The following CCDC85C variants were observed in gnomAD, a reference collection of about 807,000 sequenced individuals.
CCDC85C encodes the protein coiled-coil domain-containing protein 85C.
Under a neutral mutation model 38.3 loss-of-function variants are expected in CCDC85C, and 18 were observed. The observed-to-expected ratio is 0.47, with a 90% CI of 0.33 to 0.70. The LOEUF is 0.70. Among genes scored for constraint, CCDC85C ranks in the 30% least tolerant of loss-of-function variants. The pLI, the probability that CCDC85C is intolerant of heterozygous loss-of-function variation, is 0.03. For missense variants in CCDC85C, 566 were observed against 621.2 expected, an observed-to-expected ratio of 0.91 and a Z score of 0.94; for synonymous variants, 264 against 293.8, an observed-to-expected ratio of 0.90 and a Z score of 1.04.
At position 99,503,660 on chromosome 14, in the gene CCDC85C, G is replaced by C. The variant is rs143225415; in HGVS notation, c.*11586C>G. The C allele has an allele frequency of 7.4e-5, 115 of 1,551,866 alleles. 1 individual carries two copies. The East Asian group carries it at 2.5e-3, about 33-fold the overall frequency. On this transcript the variant is annotated 3_prime_UTR_variant, in exon 6 of 6. Transcript: ENST00000380243. ...AAAGCAGCAGGTAATTTCCTGTTCT[G>C]ATGTTTTTTTAGTTTTATGTGTTTA...
intron 1 of CCDC85C, among the ~76,000 whole-genome samples, chr14:99,546,545 CTG>C (rs1566768920): frequency 6.6e-6 from 1 of 152,108 alleles, no homozygotes. Context: ...CACATCTGGA[CTG>C]TGTTTCACTG....
At chr14:99,574,583 G>T (rs1353168465) in intron 1 of CCDC85C, among the ~76,000 whole-genome samples, 1 of 152,202 alleles carries the variant, frequency 6.6e-6, no homozygotes, top group African/African-American at 2.4e-5. Flanking sequence ...TGTGAGGAGG[G>T]GAGGCAGGGT....
Position 99,514,984 on chromosome 14 carries a change from A to C in CCDC85C, c.*262T>G. 8.1e-6 allele frequency: 3 copies of C among 371,484 alleles called. No homozygotes were observed. The highest frequency in any genetic ancestry group is 1.5e-5 in the Non-Finnish European group (3 of 198,732). 23.0% of individuals were successfully genotyped at this position (371,484 alleles called of 1,614,324 possible). Reference sequence around the variant, plus strand: ...ATGGAGCCCAGGGCCCAGAGGGGGAATGAGGCGTCCGGGCCGCTCTGCTGC... The same window carrying C: ...ATGGAGCCCAGGGCCCAGAGGGGGACTGAGGCGTCCGGGCCGCTCTGCTGC... On this transcript the variant is annotated 3_prime_UTR_variant, in exon 6 of 6. Coordinates refer to ENST00000380243, the MANE Select transcript of CCDC85C (RefSeq NM_001144995.2).
intron 1 of CCDC85C, among the ~76,000 whole-genome samples, chr14:99,594,120 T>G (rs1388964132): frequency 6.6e-6 from 1 of 152,126 alleles, no homozygotes; most frequent in Non-Finnish European, 1.5e-5. Flanking sequence ...AACCACTATC[T>G]GGCACCTGGT....
In CCDC85C at chr14:99,510,030, T is replaced by A. The variant is rs1370960499; in HGVS notation, c.*5216A>T. 2 of 907,968 alleles carry A rather than the reference T, an allele frequency of 2.2e-6. No homozygotes were observed. Among genetic ancestry groups the A allele is most frequent in the Non-Finnish European group, 3.3e-6 (2 of 613,752 alleles). 56.2% of individuals were successfully genotyped at this position (907,968 alleles called of 1,614,324 possible). ...GGACATGGGGCATGGGCCCATGCGTTGGGCCACAGAGGAGGCGGGCAGCTG... is the reference window on the plus strand; with the variant it reads ...GGACATGGGGCATGGGCCCATGCGTAGGGCCACAGAGGAGGCGGGCAGCTG... On this transcript the variant is annotated 3_prime_UTR_variant, in exon 6 of 6. Transcript: ENST00000380243.
chr14:99,549,422 G>A (rs1897864352), intron 1 of CCDC85C, among the ~76,000 whole-genome samples: 1 of 152,214 alleles, frequency 6.6e-6, no homozygotes, highest in African/African-American at 2.4e-5. Context: ...CCAGGGAGAT[G>A]AGGGGTTCAC....
chr14:99,583,885 G>T (rs889433333), intron 1 of CCDC85C, among the ~76,000 whole-genome samples: 2 of 151,256 alleles, frequency 1.3e-5, no homozygotes, highest in South Asian at 2.1e-4. Flanking sequence ...CACACACAGA[G>T]AAATGAGTGT....
chr14:99,524,021 C>A (rs1020659858), intron 2 of CCDC85C, among the ~76,000 whole-genome samples: 1 of 126,522 alleles, frequency 7.9e-6, no homozygotes, highest in African/African-American at 2.9e-5. Flanking sequence ...TGACACCCCT[C>A]CCCCCACCCC....
intron 1 of CCDC85C, among the ~76,000 whole-genome samples, chr14:99,547,884 A>G (rs1170755264): frequency 6.6e-6 from 1 of 152,068 alleles, no homozygotes; most frequent in African/African-American, 2.4e-5. Context: ...ATATACATAT[A>G]TACACACACA....
At chr14:99,522,082 G>C (rs1342510549) in intron 3 of CCDC85C, 51 bp downstream of exon 3, 1 of 1,427,264 alleles carries the variant, frequency 7.0e-7, no homozygotes. Flanking sequence ...GCCCGCCTGA[G>C]CCTCAGCCCC....
In CCDC85C at chr14:99,516,022, G is replaced by A. The variant is rs1302883088; in HGVS notation, c.1170+166C>T. Reference sequence around the variant, plus strand: ...GGGGCAGCGAGATGACAACGGGCCAGGGCTCCTAGCACCTCTGAGGCCTCC... The same window carrying A: ...GGGGCAGCGAGATGACAACGGGCCAAGGCTCCTAGCACCTCTGAGGCCTCC... On this transcript the variant is annotated intron_variant, in intron 5 of 5. Coordinates refer to ENST00000380243, the MANE Select transcript of CCDC85C (RefSeq NM_001144995.2). This position sits in a 1 kb window ranked among gnomAD's most constrained non-coding sequence, Gnocchi z 5.5. Among the ~76,000 whole-genome samples the A allele has an allele frequency of 6.6e-6, 1 of 152,144 alleles. No homozygotes were observed. Among genetic ancestry groups the A allele is most frequent in the East Asian group, 1.9e-4 (1 of 5,180 alleles).
In CCDC85C at chr14:99,503,063, A is replaced by G. The variant is rs1178796295; in HGVS notation, c.*12183T>C. ...CACCTGAGCACTGTTCCCATTTCTA[A>G]GCGAGCACAGGGAACACCGGAAGCA... is the stretch of plus-strand genomic sequence containing the variant. On this transcript the variant is annotated 3_prime_UTR_variant, in exon 6 of 6. Transcript: ENST00000380243. The G allele has an allele frequency of 6.8e-7, 1 of 1,480,530 alleles. No individual in the cohort carries two copies. The highest frequency in any genetic ancestry group is 9.4e-7 in the Non-Finnish European group (1 of 1,059,610). 91.7% of individuals were successfully genotyped at this position (1,480,530 alleles called of 1,614,324 possible). A position where few individuals can be genotyped will look rare whatever the true frequency, so the allele number is the denominator to read the frequency against.
At chr14:99,550,456 C>G (rs1380932501) in intron 1 of CCDC85C, among the ~76,000 whole-genome samples, 1 of 152,224 alleles carries the variant, frequency 6.6e-6, no homozygotes, top group Non-Finnish European at 1.5e-5. Context: ...TTTGGCACTT[C>G]TGACCTCCAG....
intron 2 of CCDC85C, chr14:99,534,922 G>T: frequency 1.7e-6 from 1 of 583,032 alleles, no homozygotes; most frequent in Non-Finnish European, 3.1e-6. Flanking sequence ...GGGAGTGGGG[G>T]GCGGGGTGTG....
intron 1 of CCDC85C, among the ~76,000 whole-genome samples, chr14:99,597,902 C>A (rs2055159677): frequency 6.6e-6 from 1 of 152,198 alleles, no homozygotes; most frequent in Non-Finnish European, 1.5e-5. Context: ...GGACATGGAA[C>A]CCATCCTTTA....
chr14:99,591,576 C>T (rs568085474), intron 1 of CCDC85C, among the ~76,000 whole-genome samples: 1 of 152,096 alleles, frequency 6.6e-6, no homozygotes, highest in Admixed American at 6.5e-5. Context: ...GACGGGGGGG[C>T]CACCTGAGGG....
chr14:99,548,773 TA>T lies in CCDC85C; in HGVS notation c.794-12686del, dbSNP rs1165740778. On this transcript the variant is annotated intron_variant, in intron 1 of 5. Coordinates refer to ENST00000380243, the MANE Select transcript of CCDC85C (RefSeq NM_001144995.2). The surrounding 1 kb of genome is among the most constrained non-coding windows in gnomAD (Gnocchi z 4.9). ...GAGTGTGAGTCCAGCCCGGGCAATCTAAAAAAAGACCACCTCTAAAAACTAA... is the reference window on the plus strand; with the variant it reads ...GAGTGTGAGTCCAGCCCGGGCAATCTAAAAAAGACCACCTCTAAAAACTAA... Among the ~76,000 whole-genome samples, 1 of 151,560 alleles carries T rather than the reference TA, an allele frequency of 6.6e-6. No individual in the cohort carries two copies. Among genetic ancestry groups the T allele is most frequent in the Admixed American group, 6.6e-5 (1 of 15,228 alleles).
intron 1 of CCDC85C, among the ~76,000 whole-genome samples, chr14:99,580,356 G>A (rs547349315): frequency 4.2e-4 from 64 of 151,196 alleles, no homozygotes; most frequent in South Asian, 1.0e-3. Flanking sequence ...CAGAGTCACC[G>A]TGAGTGCAGT....
intron 1 of CCDC85C, among the ~76,000 whole-genome samples, chr14:99,574,045 T>C (rs10140947): frequency 0.08 from 12,189 of 152,242 alleles, 799 homozygotes; most frequent in African/African-American, 0.18. Flanking sequence ...CTTGATGGAA[T>C]GTCCTAATTG....
Sources: allele counts gnomAD v4.1 joint callset (sites outside exome capture counted in the v4.1 genomes callset), GRCh38; gene constraint gnomAD v4.1.1; non-coding constraint Gnocchi (gnomAD v3.1); transcripts MANE v1.5; gene names NCBI Gene and HGNC (gene_info 2026-07-23, HGNC 2026-07-21).